The following ANKS1B variants were observed in gnomAD, a reference collection of about 807,000 sequenced individuals.
ANKS1B encodes ankyrin repeat and sterile alpha motif domain containing 1B.
A neutral mutation model predicts 148.3 loss-of-function variants in ANKS1B; 36 were observed. That is an observed-to-expected ratio of 0.24 (90% CI 0.19 to 0.32). ANKS1B has a LOEUF of 0.32. Ranked by LOEUF, ANKS1B falls within the 10% of genes least tolerant of loss-of-function variation. The pLI is 1.00. For missense variants in ANKS1B, 1,157 were observed against 1,542.6 expected, an observed-to-expected ratio of 0.75 and a Z score of 4.19; for synonymous variants, 542 against 560.8, an observed-to-expected ratio of 0.97 and a Z score of 0.47.
intron 9 of ANKS1B, among the ~76,000 whole-genome samples, chr12:99,508,358 C>A (rs564216657): frequency 1.3e-5 from 2 of 151,274 alleles, no homozygotes; most frequent in East Asian, 1.9e-4. Context: ...AGACAGCAGA[C>A]GAGAAAAATA....
chr12:99,685,210 T>C (rs1050954589), intron 8 of ANKS1B, among the ~76,000 whole-genome samples: 1 of 152,030 alleles, frequency 6.6e-6, no homozygotes, highest in African/African-American at 2.4e-5. Flanking sequence ...ATCCAGAATC[T>C]ACAAGGAACT....
chr12:98,938,215 T>C (rs534736999), intron 17 of ANKS1B, among the ~76,000 whole-genome samples: 5 of 152,354 alleles, frequency 3.3e-5, no homozygotes, highest in African/African-American at 7.2e-5. Flanking sequence ...GAGAGTACTA[T>C]AGCATGTTAA....
chr12:98,755,546 T>G (rs2098218531), intron 25 of ANKS1B, among the ~76,000 whole-genome samples: 1 of 152,180 alleles, frequency 6.6e-6, no homozygotes, highest in South Asian at 2.1e-4. Context: ...CTAACTGGAG[T>G]AATCGTAACA....
intron 14 of ANKS1B, among the ~76,000 whole-genome samples, chr12:99,202,398 C>T (rs903232734): frequency 1.4e-4 from 22 of 152,184 alleles, no homozygotes; most frequent in African/African-American, 5.3e-4. Context: ...CACACATTGG[C>T]TACTTCACAG....
intron 12 of ANKS1B, among the ~76,000 whole-genome samples, chr12:99,291,181 T>C (rs2079915883): frequency 6.6e-6 from 1 of 151,852 alleles, no homozygotes; most frequent in African/African-American, 2.4e-5. Context: ...CTTAAAGAAG[T>C]GAAAGATATC....
intron 16 of ANKS1B, among the ~76,000 whole-genome samples, chr12:99,072,174 A>G (rs1315010749): frequency 6.6e-6 from 1 of 152,136 alleles, no homozygotes; most frequent in Admixed American, 6.5e-5. Context: ...AGTCATGGGC[A>G]TTTTTAGTCA....
intron 17 of ANKS1B, among the ~76,000 whole-genome samples, chr12:98,898,095 C>G (rs931055704): frequency 2.6e-5 from 4 of 152,154 alleles, no homozygotes; most frequent in African/African-American, 9.7e-5. Flanking sequence ...GAAAAATTAC[C>G]TATTAGGTAT....
At chr12:99,905,167 G>C (rs1383968260) in intron 1 of ANKS1B, among the ~76,000 whole-genome samples, 2 of 152,126 alleles carry the variant, frequency 1.3e-5, no homozygotes, top group Non-Finnish European at 2.9e-5. Context: ...AGGGTAAAGG[G>C]AGTTAATTGT....
intron 9 of ANKS1B, among the ~76,000 whole-genome samples, chr12:99,544,524 A>G (rs2097155414): frequency 6.6e-6 from 1 of 152,192 alleles, no homozygotes; most frequent in Non-Finnish European, 1.5e-5. Context: ...TGTCCTGTGT[A>G]AAAGATCTAA....
intron 2 of ANKS1B, among the ~76,000 whole-genome samples, chr12:99,813,761 G>A (rs1320341468): frequency 1.3e-5 from 2 of 151,614 alleles, no homozygotes; most frequent in African/African-American, 4.8e-5. Flanking sequence ...TATAATTTCT[G>A]AGAAATTAAG....
At chr12:99,885,610 TTA>T (rs2092785598) in intron 1 of ANKS1B, among the ~76,000 whole-genome samples, 1 of 151,978 alleles carries the variant, frequency 6.6e-6, no homozygotes, top group Non-Finnish European at 1.5e-5. Context: ...GTCTTTTTTT[TTA>T]TTTCAAGAGC....
chr12:99,789,730 G>A (rs940992370), intron 4 of ANKS1B, among the ~76,000 whole-genome samples: 1 of 152,230 alleles, frequency 6.6e-6, no homozygotes, highest in African/African-American at 2.4e-5. Flanking sequence ...TAACGAGCTT[G>A]AAGACAGGTA....
chr12:99,360,604 G>A (rs1196767258), intron 12 of ANKS1B, among the ~76,000 whole-genome samples: 3 of 152,026 alleles, frequency 2.0e-5, no homozygotes, highest in Non-Finnish European at 4.4e-5. Flanking sequence ...TTTAAGAAGT[G>A]CTACATGCTT....
intron 17 of ANKS1B, among the ~76,000 whole-genome samples, chr12:99,024,803 G>T (rs2099947828): frequency 6.6e-6 from 1 of 152,092 alleles, no homozygotes; most frequent in Non-Finnish European, 1.5e-5. Context: ...CTTCTGTGTG[G>T]CCTGTACACC....
chr12:98,941,177 A>G (rs1438970615), intron 17 of ANKS1B, among the ~76,000 whole-genome samples: 2 of 152,160 alleles, frequency 1.3e-5, no homozygotes, highest in Non-Finnish European at 2.9e-5. Flanking sequence ...CTTTTAATAT[A>G]TATTATTGAT....
chr12:98,914,595 C>T (rs761031778), intron 17 of ANKS1B, among the ~76,000 whole-genome samples: 2 of 152,068 alleles, frequency 1.3e-5, no homozygotes, highest in African/African-American at 4.8e-5. Flanking sequence ...ACCCCCATTC[C>T]CACCACTATC....
chr12:99,314,343 C>T (rs555984253), intron 12 of ANKS1B, among the ~76,000 whole-genome samples: 2 of 152,204 alleles, frequency 1.3e-5, no homozygotes, highest in East Asian at 3.9e-4. Context: ...CCATACTGCC[C>T]AAACTAATTT....
chr12:99,294,716 C>T (rs993278470), intron 12 of ANKS1B, among the ~76,000 whole-genome samples: 13 of 151,974 alleles, frequency 8.6e-5, no homozygotes, highest in African/African-American at 2.9e-4. Context: ...TGCAATGGCG[C>T]GATCTTGGCT....
At chr12:99,408,007 G>A (rs61498848) in intron 11 of ANKS1B, among the ~76,000 whole-genome samples, 2 of 145,062 alleles carry the variant, frequency 1.4e-5, no homozygotes, top group Admixed American at 6.8e-5. Context: ...ATCCTAAAAT[G>A]TATATGGAAC....
Sources: gnomAD v4.1 joint callset for allele counts (sites outside exome capture counted in the v4.1 genomes callset) on GRCh38, gnomAD v4.1.1 for gene constraint, MANE v1.5 for transcripts, NCBI Gene and HGNC (gene_info 2026-07-23, HGNC 2026-07-21) for gene names.